SPOCK3: variants seen among roughly 807,000 people sequenced by gnomAD.
The protein encoded by SPOCK3 is testican-3.
SPOCK3 carries 30 observed loss-of-function variants against 56.6 expected under a neutral mutation model. The ratio of observed to expected loss-of-function variants is 0.53; its 90% CI spans 0.40 to 0.72. The LOEUF (loss-of-function observed/expected upper bound fraction) is 0.72, where lower values mean the gene tolerates loss of function less well. Ranked by LOEUF, SPOCK3 falls within the 30% of genes least tolerant of loss-of-function variation. SPOCK3 has a pLI of 0.00. For missense variants in SPOCK3, 527 were observed against 530.0 expected, an observed-to-expected ratio of 0.99 and a Z score of 0.06; for synonymous variants, 196 against 183.3, an observed-to-expected ratio of 1.07 and a Z score of -0.56.
intron 6 of SPOCK3, among the ~76,000 whole-genome samples, chr4:166,864,142 C>A (rs1380754866): frequency 2.0e-5 from 3 of 152,198 alleles, no homozygotes; most frequent in African/African-American, 4.8e-5. Flanking sequence ...CAAAACCACA[C>A]AACTACATGG....
chr4:167,046,349 C>T (rs1753713474), intron 3 of SPOCK3, among the ~76,000 whole-genome samples: 1 of 151,128 alleles, frequency 6.6e-6, no homozygotes, highest in African/African-American at 2.4e-5. Flanking sequence ...GAGCTTCCTG[C>T]ATCAGTGCTT....
intron 6 of SPOCK3, among the ~76,000 whole-genome samples, chr4:166,797,320 TTTA>T (rs1298345753): frequency 7.9e-5 from 9 of 113,906 alleles, no homozygotes; most frequent in South Asian, 2.9e-4. Context: ...TTTTTTTTTT[TTTA>T]AACAAAGCTT....
chr4:166,813,627 A>G (rs1181017745), intron 6 of SPOCK3, among the ~76,000 whole-genome samples: 1 of 151,946 alleles, frequency 6.6e-6, no homozygotes, highest in Non-Finnish European at 1.5e-5. Flanking sequence ...ATTGTAAAAT[A>G]TAATTAGATA....
At chr4:167,201,942 C>A (rs1029794338) in intron 2 of SPOCK3, among the ~76,000 whole-genome samples, 1 of 151,840 alleles carries the variant, frequency 6.6e-6, no homozygotes, top group African/African-American at 2.4e-5. Flanking sequence ...ATCATAAACT[C>A]AAGAAAATAT....
chr4:167,228,168 A>G (rs1736788337), intron 2 of SPOCK3, among the ~76,000 whole-genome samples: 1 of 152,190 alleles, frequency 6.6e-6, no homozygotes, highest in Non-Finnish European at 1.5e-5. Flanking sequence ...CAAAAAACCT[A>G]TAGCACAATA....
chr4:167,070,701 C>T (rs927853373), intron 2 of SPOCK3, among the ~76,000 whole-genome samples: 1 of 151,880 alleles, frequency 6.6e-6, no homozygotes, highest in Admixed American at 6.6e-5. Flanking sequence ...ATCTCATTTA[C>T]ACATCTCATC....
chr4:167,172,944 A>G (rs953043775), intron 2 of SPOCK3, among the ~76,000 whole-genome samples: 1 of 152,178 alleles, frequency 6.6e-6, no homozygotes, highest in African/African-American at 2.4e-5. Context: ...AAAATTGATC[A>G]CAGAAATAAA....
chr4:166,833,731 G>A (rs1314200812), intron 6 of SPOCK3, among the ~76,000 whole-genome samples: 1 of 151,936 alleles, frequency 6.6e-6, no homozygotes, highest in Non-Finnish European at 1.5e-5. Context: ...TGGCTTATTA[G>A]TTAAATCTCT....
chr4:166,767,754 C>A lies in SPOCK3; in HGVS notation c.710-13025G>T, dbSNP rs1356245143. On this transcript the variant is annotated intron_variant, in intron 7 of 10. Transcript: ENST00000357545. ...ATTCCTGGATATCCTTGTTAACTTT[C>A]TATGTCGTTGATCTGTCTAATGTTG... is the stretch of plus-strand genomic sequence containing the variant. 5.3e-5 allele frequency among the ~76,000 whole-genome samples: 8 copies of A among 152,136 alleles called. No homozygotes were observed. The East Asian group carries it at 1.5e-3, about 29-fold the overall frequency.
chr4:166,765,873 T>C lies in SPOCK3; in HGVS notation c.710-11144A>G, dbSNP rs180712779. Among the ~76,000 whole-genome samples, 571 of 152,328 alleles carry C rather than the reference T, an allele frequency of 3.7e-3. 17 individuals carry two copies. Among genetic ancestry groups the C allele is most frequent in the Admixed American group, 0.032 (484 of 15,294 alleles). ...CCTCTTTTATTTTGTTGAGCAGTGGTTTGCTGTTCTCCTTGAAGAGGTCCT... is the reference window on the plus strand; with the variant it reads ...CCTCTTTTATTTTGTTGAGCAGTGGCTTGCTGTTCTCCTTGAAGAGGTCCT... On this transcript the variant is annotated intron_variant, in intron 7 of 10. Coordinates refer to ENST00000357545, the MANE Select transcript of SPOCK3 (RefSeq NM_001040159.2).
chr4:166,819,727 A>G (rs754973128), intron 6 of SPOCK3, among the ~76,000 whole-genome samples: 18 of 151,942 alleles, frequency 1.2e-4, no homozygotes, highest in Non-Finnish European at 2.5e-4. Flanking sequence ...GAGAGATACC[A>G]CATTCATGAA....
At chr4:167,008,762 C>A (rs561024591) in intron 3 of SPOCK3, among the ~76,000 whole-genome samples, 1 of 152,068 alleles carries the variant, frequency 6.6e-6, no homozygotes, top group Non-Finnish European at 1.5e-5. Context: ...ACCACATATT[C>A]TTACTTACAA....
chr4:166,993,115 C>T (rs1348576803), intron 4 of SPOCK3, among the ~76,000 whole-genome samples: 1 of 152,082 alleles, frequency 6.6e-6, no homozygotes, highest in East Asian at 1.9e-4. Flanking sequence ...GTTATACAGG[C>T]TTCAAAGCCA....
At chr4:166,878,498 TATGTATATTTTAAATGTATAAA>T (rs1470244981) in intron 6 of SPOCK3, among the ~76,000 whole-genome samples, 11 of 151,264 alleles carry the variant, frequency 7.3e-5, no homozygotes, top group South Asian at 2.1e-4. Context: ...GTATATTTTA[TATGTATATTTTAAATGTATAAA>T]ATGTATATTT....
intron 2 of SPOCK3, among the ~76,000 whole-genome samples, chr4:167,199,694 A>AAATAATAATAAT (rs200479070): frequency 7.1e-6 from 1 of 141,636 alleles, no homozygotes; most frequent in East Asian, 2.1e-4. Context: ...TGTGTGAAAT[A>AAATAATAATAAT]AATAATAATA....
intron 2 of SPOCK3, among the ~76,000 whole-genome samples, chr4:167,099,425 T>C: frequency 6.6e-6 from 1 of 152,134 alleles, no homozygotes; most frequent in Admixed American, 6.6e-5. Context: ...AAAATAATCT[T>C]TTCTTGTTGA....
chr4:167,212,403 G>T (rs1734963516), intron 2 of SPOCK3, among the ~76,000 whole-genome samples: 1 of 151,690 alleles, frequency 6.6e-6, no homozygotes. Context: ...CACCATGCCT[G>T]GCTACTTTTT....
At chr4:167,039,511 A>G (rs1319104112) in intron 3 of SPOCK3, among the ~76,000 whole-genome samples, 1 of 152,104 alleles carries the variant, frequency 6.6e-6, no homozygotes, top group South Asian at 2.1e-4. Context: ...GTGTGTGTGT[A>G]TATATGTGTG....
At chr4:166,766,837 A>G (rs993930671) in intron 7 of SPOCK3, among the ~76,000 whole-genome samples, 1 of 152,114 alleles carries the variant, frequency 6.6e-6, no homozygotes, top group Non-Finnish European at 1.5e-5. Flanking sequence ...TTTGGTTGGT[A>G]CGCTCTTAAT....
Sources: allele counts gnomAD v4.1 joint callset (sites outside exome capture counted in the v4.1 genomes callset), GRCh38; gene constraint gnomAD v4.1.1; transcripts MANE v1.5; gene names NCBI Gene and HGNC (gene_info 2026-07-23, HGNC 2026-07-21).